Variants in CSMD2 observed in about 807,000 individuals in gnomAD.
CSMD2 encodes the protein CUB and Sushi multiple domains 2, also known as CUB and sushi domain-containing protein 2.
CSMD2 carries 130 observed loss-of-function variants against 398.5 expected under a neutral mutation model. The ratio of observed to expected loss-of-function variants is 0.33; its 90% CI spans 0.28 to 0.38. CSMD2 has a LOEUF of 0.38. Ranked by LOEUF, CSMD2 falls within the 10% of genes least tolerant of loss-of-function variation. The pLI is 1.00. For synonymous variants in CSMD2, 1,828 were observed against 1,908.5 expected, an observed-to-expected ratio of 0.96 and a Z score of 1.10; for missense variants, 3,829 against 4,764.9, an observed-to-expected ratio of 0.80 and a Z score of 5.78.
intron 42 of CSMD2, among the ~76,000 whole-genome samples, chr1:33,602,902 G>A (rs1156511136): frequency 6.6e-6 from 1 of 152,240 alleles, no homozygotes; most frequent in Non-Finnish European, 1.5e-5. Flanking sequence ...CAGAGCTGCA[G>A]TGCTTTTGCT....
intron 32 of CSMD2, among the ~76,000 whole-genome samples, chr1:33,627,568 G>A (rs1022491433): frequency 3.0e-4 from 45 of 152,266 alleles, no homozygotes; most frequent in African/African-American, 1.0e-3. Context: ...GACCCACAAC[G>A]GAACTACTGG....
At chr1:33,777,056 T>G (rs1185605541) in intron 12 of CSMD2, among the ~76,000 whole-genome samples, 1 of 152,000 alleles carries the variant, frequency 6.6e-6, no homozygotes, top group East Asian at 1.9e-4. Context: ...GTGTCAGAGC[T>G]GAAGACAGCA....
At chr1:33,527,113 C>G in intron 65 of CSMD2, 83 bp downstream of exon 65, 1 of 1,275,746 alleles carries the variant, frequency 7.8e-7, no homozygotes, top group Non-Finnish European at 1.1e-6. Flanking sequence ...CACTCAGCAA[C>G]TCTCAGCAAC....
At chr1:33,931,427 G>A (rs1377724790) in intron 4 of CSMD2, among the ~76,000 whole-genome samples, 1 of 152,052 alleles carries the variant, frequency 6.6e-6, no homozygotes, top group Admixed American at 6.5e-5. Context: ...ATGTTTCTTA[G>A]GATATTCTTG....
intron 25 of CSMD2, among the ~76,000 whole-genome samples, chr1:33,692,631 T>C (rs1210290103): frequency 6.6e-6 from 1 of 152,176 alleles, no homozygotes; most frequent in Non-Finnish European, 1.5e-5. Flanking sequence ...CTGCAAACAG[T>C]ACATGGAAGG....
At position 33,819,795 on chromosome 1, in the gene CSMD2, G is replaced by C; in HGVS notation, c.1242C>G (p.Asp414Glu). The change falls in exon 9 of 71, where the codon GAC becomes GAG. Residue 414 changes from aspartate to glutamate, a missense_variant. Asp to Glu is a conservative substitution (Grantham distance 45). Transcript: ENST00000373381. ...AGGTGATCCGCTTGGACCCTTGCAG[G>C]TCATAGCCCTCGTTGCAGGTGAACT... Reference protein sequence around the residue: ...SVQFTCNEGYDLQGSKRITCM... With the variant: ...SVQFTCNEGYELQGSKRITCM... 6.2e-7 allele frequency: 1 copy of C among 1,614,092 alleles called. No individual in the cohort carries two copies. The highest frequency in any genetic ancestry group is 8.5e-7 in the Non-Finnish European group (1 of 1,179,994).
chr1:33,661,822 T>C (rs1644144111), intron 26 of CSMD2, among the ~76,000 whole-genome samples: 1 of 152,092 alleles, frequency 6.6e-6, no homozygotes, highest in South Asian at 2.1e-4. Context: ...GTGCCAGGGA[T>C]ATACCCCAAC....
At chr1:33,780,049 T>C (rs920250540) in intron 12 of CSMD2, among the ~76,000 whole-genome samples, 1 of 152,034 alleles carries the variant, frequency 6.6e-6, no homozygotes, top group African/African-American at 2.4e-5. Flanking sequence ...GGAGAGATGG[T>C]TGGAGGGAGA....
At chr1:33,830,343 C>T (rs1038146489) in intron 6 of CSMD2, among the ~76,000 whole-genome samples, 28 of 152,192 alleles carry the variant, frequency 1.8e-4, no homozygotes, top group African/African-American at 6.0e-4. Flanking sequence ...CAGCAGCATT[C>T]GTGGTTCACG....
intron 3 of CSMD2, among the ~76,000 whole-genome samples, chr1:33,963,886 G>C (rs1409587434): frequency 6.6e-6 from 1 of 152,124 alleles, no homozygotes; most frequent in Non-Finnish European, 1.5e-5. Context: ...ACAAGTCTTT[G>C]TGTGGACATA....
At position 33,557,841 on chromosome 1, in the gene CSMD2, C is replaced by T. The variant is rs1031832171; in HGVS notation, c.8636G>A (p.Gly2879Asp). Reference protein sequence around the residue: ...HASGPHRFSFGTTVSYRCNHG... With the variant: ...HASGPHRFSFDTTVSYRCNHG... ...GTTGCACCGGTAAGACACAGTGGTG[C>T]CGAAGCTGAACCTGTGCGGGCCGCT... The change falls in exon 55 of 71, where the codon GGC becomes GAC. Residue 2879 changes from glycine to aspartate, a missense_variant. Physicochemically the swap from Gly to Asp is moderately conservative, Grantham distance 94. Coordinates refer to ENST00000373381, the MANE Select transcript of CSMD2 (RefSeq NM_001281956.2). 2.3e-5 allele frequency: 35 copies of T among 1,536,088 alleles called. No homozygotes were observed. Among genetic ancestry groups the T allele is most frequent in the Non-Finnish European group, 2.9e-5 (33 of 1,146,892 alleles).
intron 3 of CSMD2, among the ~76,000 whole-genome samples, chr1:33,966,279 C>T (rs1645554494): frequency 6.6e-6 from 1 of 152,200 alleles, no homozygotes; most frequent in African/African-American, 2.4e-5. Context: ...ACCTGCCCAT[C>T]CCTAGAAGCA....
intron 19 of CSMD2, 142 bp downstream of exon 19, chr1:33,724,055 G>A: frequency 3.0e-6 from 2 of 665,766 alleles, no homozygotes; most frequent in East Asian, 2.5e-5. Context: ...GACTCTGGAA[G>A]TTTTCTTGTT....
chr1:33,899,183 C>T (rs1296877038), intron 5 of CSMD2, among the ~76,000 whole-genome samples: 1 of 152,228 alleles, frequency 6.6e-6, no homozygotes, highest in East Asian at 1.9e-4. Flanking sequence ...CCACGCTCAC[C>T]AGGGCTGGCA....
intron 44 of CSMD2, among the ~76,000 whole-genome samples, chr1:33,589,469 A>G (rs1639290567): frequency 6.6e-6 from 1 of 152,236 alleles, no homozygotes; most frequent in African/African-American, 2.4e-5. Context: ...AACTTGCTAA[A>G]CAAAAAAGCA....
chr1:33,817,067 T>C (rs187519896), intron 9 of CSMD2, among the ~76,000 whole-genome samples: 268 of 152,340 alleles, frequency 1.8e-3, no homozygotes, highest in African/African-American at 5.9e-3. Context: ...TCACCTAAAC[T>C]GTCCTAAAAA....
intron 15 of CSMD2, among the ~76,000 whole-genome samples, chr1:33,736,439 C>T (rs1646888078): frequency 6.6e-6 from 1 of 151,698 alleles, no homozygotes; most frequent in Admixed American, 6.6e-5. Context: ...CAAGATCACG[C>T]CACTGCACTC....
At chr1:33,922,048 G>A (rs1257520750) in intron 4 of CSMD2, among the ~76,000 whole-genome samples, 1 of 152,172 alleles carries the variant, frequency 6.6e-6, no homozygotes, top group Non-Finnish European at 1.5e-5. Flanking sequence ...GGAGAGAGCA[G>A]AGACAGGGAC....
chr1:33,544,957 C>T (rs1335398689), intron 57 of CSMD2, among the ~76,000 whole-genome samples: 1 of 152,032 alleles, frequency 6.6e-6, no homozygotes, highest in East Asian at 1.9e-4. Flanking sequence ...AATGCACTGT[C>T]TGCTCTGTGC....
Sources: allele counts gnomAD v4.1 joint callset (sites outside exome capture counted in the v4.1 genomes callset), GRCh38; gene constraint gnomAD v4.1.1; transcripts MANE v1.5; gene names NCBI Gene and HGNC (gene_info 2026-07-23, HGNC 2026-07-21).